The following BBS9 variants were observed in gnomAD, a reference collection of about 807,000 sequenced individuals.
BBS9 encodes Bardet-Biedl syndrome 9.
A neutral mutation model predicts 117.7 loss-of-function variants in BBS9; 89 were observed. That is an observed-to-expected ratio of 0.76 (90% CI 0.64 to 0.90). BBS9 has a LOEUF of 0.90. Among genes scored for constraint, BBS9 ranks in the 40% least tolerant of loss-of-function variants. BBS9 has a pLI of 0.00. For missense variants in BBS9, 982 were observed against 1,042.2 expected (o/e 0.94, Z 0.80); for synonymous variants, 379 against 370.9 (o/e 1.02, Z -0.25).
At chr7:33,213,197 A>G (rs1477903704) in intron 5 of BBS9, among the ~76,000 whole-genome samples, 4 of 152,142 alleles carry the variant, frequency 2.6e-5, no homozygotes, top group Non-Finnish European at 4.4e-5. Context: ...AAACCACAAG[A>G]CAAAGTCCTT....
intron 20 of BBS9, among the ~76,000 whole-genome samples, chr7:33,506,470 G>A (rs1402232818): frequency 1.3e-5 from 2 of 152,070 alleles, no homozygotes; most frequent in Non-Finnish European, 2.9e-5. Context: ...GTGGTTATTA[G>A]GTACCAGGTG....
chr7:33,602,200 G>A (rs1457090467), intron 21 of BBS9, among the ~76,000 whole-genome samples: 2 of 109,600 alleles, frequency 1.8e-5, no homozygotes, highest in East Asian at 3.9e-4. Context: ...CTGAGCAGGT[G>A]CAGCTACACA....
intron 19 of BBS9, among the ~76,000 whole-genome samples, chr7:33,409,212 A>T (rs542371487): frequency 6.6e-6 from 1 of 152,172 alleles, no homozygotes; most frequent in African/African-American, 2.4e-5. Context: ...TTGAGGACTT[A>T]GGCATAAATT....
At chr7:33,600,301 T>A (rs949205953) in intron 21 of BBS9, among the ~76,000 whole-genome samples, 1 of 152,194 alleles carries the variant, frequency 6.6e-6, no homozygotes, top group Admixed American at 6.5e-5. Flanking sequence ...TGAAAGCTGA[T>A]GTCTTATTCA....
At position 33,531,702 on chromosome 7, in the gene BBS9, A is replaced by G. The variant is rs1354365882; in HGVS notation, c.2299-2252A>G. On this transcript the variant is annotated intron_variant, in intron 20 of 22. Coordinates refer to ENST00000242067, the MANE Select transcript of BBS9 (RefSeq NM_198428.3). ...AGAAGAGAGGTTAGATTTATTCTGC[A>G]TGCCTCTGGAGGGTAGAAGAAGGGC... 5.3e-5 allele frequency among the ~76,000 whole-genome samples: 8 copies of G among 152,324 alleles called. No individual in the cohort carries two copies. The East Asian group carries it at 1.4e-3, about 26-fold the overall frequency.
intron 9 of BBS9, among the ~76,000 whole-genome samples, chr7:33,311,434 G>T (rs1270476170): frequency 6.6e-6 from 1 of 152,140 alleles, no homozygotes; most frequent in South Asian, 2.1e-4. Flanking sequence ...TAAAGAGACT[G>T]AGTGCTCACA....
At position 33,423,842 on chromosome 7, in the gene BBS9, GTC is replaced by G. The variant is rs1308823093; in HGVS notation, c.2115+35700_2115+35701del. ...AGCCATGATTTGGTTAAAATTACAA[GTC>G]TGACTAGTAAAGCTTTTTCCCAGGT... On this transcript the variant is annotated intron_variant, in intron 19 of 22. Coordinates refer to ENST00000242067, the MANE Select transcript of BBS9 (RefSeq NM_198428.3). Among the ~76,000 whole-genome samples, 35 of 152,306 alleles carry G rather than the reference GTC, an allele frequency of 2.3e-4. 1 individual carries two copies. In the South Asian group the frequency reaches 5.6e-3, roughly 24 times the overall value.
At chr7:33,332,445 G>T (rs975209999) in intron 9 of BBS9, among the ~76,000 whole-genome samples, 2 of 152,214 alleles carry the variant, frequency 1.3e-5, no homozygotes, top group Admixed American at 1.3e-4. Context: ...TTGGGAGGCT[G>T]AGGCAGGTGG....
chr7:33,341,018 A>C (rs1202316619), intron 11 of BBS9, 45 bp downstream of exon 11: 5 of 1,538,370 alleles, frequency 3.3e-6, no homozygotes, highest in African/African-American at 1.4e-5. Context: ...AGAGTGGTAA[A>C]CTCTGATGAA....
At chr7:33,257,801 G>A (rs1320137140) in intron 6 of BBS9, among the ~76,000 whole-genome samples, 2 of 152,072 alleles carry the variant, frequency 1.3e-5, no homozygotes, top group Non-Finnish European at 2.9e-5. Context: ...AATTAAATAC[G>A]ATGTTGAGTG....
At chr7:33,325,569 T>A (rs1204197911) in intron 9 of BBS9, among the ~76,000 whole-genome samples, 3 of 152,100 alleles carry the variant, frequency 2.0e-5, no homozygotes, top group Non-Finnish European at 4.4e-5. Context: ...CATTGAAGGG[T>A]TAGGTATTTA....
chr7:33,326,688 C>T (rs867001371), intron 9 of BBS9, among the ~76,000 whole-genome samples: 4 of 151,894 alleles, frequency 2.6e-5, no homozygotes, highest in African/African-American at 9.7e-5. Context: ...GCTCTTTAAT[C>T]AGTAGGTAAT....
intron 21 of BBS9, among the ~76,000 whole-genome samples, chr7:33,597,999 C>A (rs1267659550): frequency 6.6e-6 from 1 of 151,960 alleles, no homozygotes; most frequent in Non-Finnish European, 1.5e-5. Flanking sequence ...AGCATCACCC[C>A]CTCTTTAAAG....
At chr7:33,442,459 G>C (rs928749032) in intron 19 of BBS9, among the ~76,000 whole-genome samples, 4 of 152,164 alleles carry the variant, frequency 2.6e-5, no homozygotes, top group African/African-American at 9.7e-5. Flanking sequence ...TCAGTGGCAT[G>C]TATTTGAAGT....
intron 16 of BBS9, among the ~76,000 whole-genome samples, chr7:33,366,965 A>G (rs1398783838): frequency 1.3e-5 from 2 of 152,190 alleles, no homozygotes; most frequent in Non-Finnish European, 2.9e-5. Context: ...CTTTCAGCAA[A>G]CAGAGGGCAC....
chr7:33,483,109 G>A (rs1842698269), intron 19 of BBS9, among the ~76,000 whole-genome samples: 1 of 151,940 alleles, frequency 6.6e-6, no homozygotes, highest in African/African-American at 2.4e-5. Context: ...TTGGGGGGCG[G>A]GGGGAATAGC....
At chr7:33,303,842 G>A (rs1807128295) in intron 9 of BBS9, among the ~76,000 whole-genome samples, 1 of 152,160 alleles carries the variant, frequency 6.6e-6, no homozygotes, top group Non-Finnish European at 1.5e-5. Flanking sequence ...GCAGTGGCGT[G>A]ATCTCGGCTC....
intron 22 of BBS9, 80 bp from the exon 23 acceptor site, chr7:33,605,115 G>A: frequency 1.3e-6 from 2 of 1,495,330 alleles, no homozygotes; most frequent in Non-Finnish European, 1.9e-6. Context: ...CACTGGTGCA[G>A]CTGAATTTGA....
chr7:33,429,667 T>A (rs991603727), intron 19 of BBS9, among the ~76,000 whole-genome samples: 1 of 151,762 alleles, frequency 6.6e-6, no homozygotes, highest in Admixed American at 6.6e-5. Context: ...AAAAATAAAT[T>A]TATTTATTTA....
Sources: gnomAD v4.1 joint callset for allele counts (sites outside exome capture counted in the v4.1 genomes callset) on GRCh38, gnomAD v4.1.1 for gene constraint, MANE v1.5 for transcripts, NCBI Gene and HGNC (gene_info 2026-07-23, HGNC 2026-07-21) for gene names.